The following EXO1 variants were observed in gnomAD, a reference collection of about 807,000 sequenced individuals.
The protein encoded by EXO1 is exonuclease 1.
In EXO1, 69 loss-of-function variants were observed where a neutral mutation model predicts 84.5. The ratio of observed to expected loss-of-function variants is 0.82; its 90% confidence interval spans 0.67 to 1.00. EXO1 has a LOEUF of 1.00. Ranked by LOEUF, EXO1 falls within the 50% of genes least tolerant of loss-of-function variation. The probability of loss-of-function intolerance (pLI) is 0.00; values close to 1 mark genes in which losing one functional copy is unlikely to be tolerated. For missense variants in EXO1, 1,045 were observed against 1,000.7 expected, an observed-to-expected ratio of 1.04 and a Z score of -0.60; for synonymous variants, 373 against 366.1, an observed-to-expected ratio of 1.02 and a Z score of -0.21.
chr1:241,864,717 A>G (rs150820309), intron 10 of EXO1, among the ~76,000 whole-genome samples: 1 of 152,190 alleles, frequency 6.6e-6, no homozygotes, highest in African/African-American at 2.4e-5. Context: ...TCTATGTTCT[A>G]TCTTCACCGT....
At chr1:241,882,551 A>G (rs1631401) in intron 14 of EXO1, among the ~76,000 whole-genome samples, 22,713 of 152,146 alleles carry the variant, frequency 0.15, 1,819 homozygotes, top group Non-Finnish European at 0.17. Flanking sequence ...AGTAAAGCAT[A>G]TTTTATATAT....
At position 241,850,476 on chromosome 1, in the gene EXO1, C is replaced by T; in HGVS notation, c.51C>T (p.Ile17=). ...LQFIKEASEP[I]HVRKYKGQVV... ...TTATCAAAGAAGCTTCAGAACCCAT[C>T]CATGTGAGGAAGTATAAAGGGCAGG... Residue 17 remains isoleucine, a synonymous_variant, in exon 4 of 16, where the codon ATC becomes ATT. Coordinates refer to ENST00000366548, the MANE Select transcript of EXO1 (RefSeq NM_130398.4). 6.2e-7 allele frequency: 1 copy of T among 1,613,842 alleles called. No individual in the cohort carries two copies. The highest frequency in any genetic ancestry group is 8.5e-7 in the Non-Finnish European group (1 of 1,179,750).
intron 12 of EXO1, among the ~76,000 whole-genome samples, chr1:241,874,909 A>G (rs1414351366): frequency 6.6e-6 from 1 of 152,238 alleles, no homozygotes; most frequent in Non-Finnish European, 1.5e-5. Context: ...TCTAGGCATG[A>G]TAGAGTAACA....
chr1:241,872,549 T>G (rs374352346), intron 12 of EXO1, among the ~76,000 whole-genome samples: 1 of 152,084 alleles, frequency 6.6e-6, no homozygotes, highest in Non-Finnish European at 1.5e-5. Context: ...GTTCCCCTCC[T>G]TGTGTCCATG....
chr1:241,858,711 TAG>T lies in EXO1; in HGVS notation c.750_751del (p.Val251LysfsTer38). 6.2e-7 allele frequency: 1 copy of T among 1,605,484 alleles called. No homozygotes were observed. The highest frequency in any genetic ancestry group is 8.5e-7 in the Non-Finnish European group (1 of 1,172,142). On this transcript the variant is annotated frameshift_variant, in exon 8 of 16. Coordinates refer to ENST00000366548, the MANE Select transcript of EXO1 (RefSeq NM_130398.4). LOFTEE classifies it high-confidence loss of function. Reference sequence around the variant, plus strand: ...CTAAGACTAGCCAATAATCCAGATATAGTAAAGGTAAGAGTGATTTGCTAAGT... The same window carrying T: ...CTAAGACTAGCCAATAATCCAGATATTAAAGGTAAGAGTGATTTGCTAAGT...
intron 6 of EXO1, among the ~76,000 whole-genome samples, chr1:241,854,206 G>C (rs1396275416): frequency 6.6e-6 from 1 of 152,100 alleles, no homozygotes; most frequent in African/African-American, 2.4e-5. Flanking sequence ...GGCACGATGT[G>C]GGCTCACTGC....
rs781754281 is a variant in EXO1 at position 241,879,225 on chromosome 1, C to G, written c.1991C>G (p.Ser664Cys). 1 of 1,601,434 alleles carries G rather than the reference C, an allele frequency of 6.2e-7. No individual in the cohort carries two copies. The highest frequency in any genetic ancestry group is 8.5e-7 in the Non-Finnish European group (1 of 1,173,116). ...LKSEESSDDE[S>C]HPLREEACSS... ...AGCGAGGAGTCCAGTGACGATGAGT[C>G]TCATCCCTTACGAGAAGAGGCATGT... The change falls in exon 13 of 16, where the codon TCT becomes TGT. Residue 664 changes from serine (S) to cysteine (C), a missense_variant. Transcript: ENST00000366548.
At chr1:241,888,890 C>T (rs1663212157) in intron 15 of EXO1, among the ~76,000 whole-genome samples, 1 of 152,054 alleles carries the variant, frequency 6.6e-6, no homozygotes, top group Non-Finnish European at 1.5e-5. Context: ...GCCTGGCCAG[C>T]ATGGTGAAAC....
chr1:241,853,171 A>G (rs965215331), intron 5 of EXO1, among the ~76,000 whole-genome samples, 187 bp from the exon 6 acceptor site: 1 of 151,966 alleles, frequency 6.6e-6, no homozygotes, highest in Admixed American at 6.6e-5. Flanking sequence ...ATTCTAAGTC[A>G]CTTGTTCTTT....
intron 15 of EXO1, among the ~76,000 whole-genome samples, chr1:241,888,276 A>C (rs1423023303): frequency 6.6e-6 from 1 of 152,164 alleles, no homozygotes; most frequent in African/African-American, 2.4e-5. Context: ...AGTATACCAA[A>C]GGGTTGAGAT....
chr1:241,885,075 C>T (rs1012900884), intron 14 of EXO1, among the ~76,000 whole-genome samples: 8 of 151,758 alleles, frequency 5.3e-5, no homozygotes, highest in Non-Finnish European at 4.4e-5. Context: ...GGCGTGGTGG[C>T]GGGTGCCTGT....
At chr1:241,866,120 A>G (rs965832176) in intron 10 of EXO1, among the ~76,000 whole-genome samples, 1 of 152,152 alleles carries the variant, frequency 6.6e-6, no homozygotes, top group Non-Finnish European at 1.5e-5. Context: ...AATAACTTAT[A>G]TTAGCATTAA....
intron 15 of EXO1, among the ~76,000 whole-genome samples, chr1:241,888,957 TC>T (rs1663219896): frequency 6.6e-6 from 1 of 152,000 alleles, no homozygotes; most frequent in Non-Finnish European, 1.5e-5. Flanking sequence ...CGCCTGTAGT[TC>T]CAGCTACTCG....
chr1:241,853,557 CA>C, intron 6 of EXO1, 76 bp downstream of exon 6: 1 of 1,546,548 alleles, frequency 6.5e-7, no homozygotes, highest in South Asian at 1.1e-5. Context: ...GGAAGAAAAT[CA>C]AGGGTGGAAA....
In EXO1 at chr1:241,879,003, G is replaced by A. The variant is rs1013046687; in HGVS notation, c.1769G>A (p.Ser590Asn). The A allele has an allele frequency of 1.5e-5, 24 of 1,614,160 alleles. No homozygotes were observed. Among genetic ancestry groups the A allele is most frequent in the Non-Finnish European group, 2.0e-5 (24 of 1,180,016 alleles). ...FTDEESYSFE[S>N]SKFTRTISPP... The stretch of plus-strand genomic sequence containing the variant: ...GATGAAGAGTCCTACTCTTTTGAGA[G>A]CAGCAAATTTACAAGGACCATTTCA... Residue 590 changes from serine (S) to asparagine (N), a missense_variant, in exon 13 of 16, where the codon AGC (serine) becomes AAC (asparagine). Ser to Asn is a conservative substitution (Grantham distance 46). Coordinates refer to ENST00000366548, the MANE Select transcript of EXO1 (RefSeq NM_130398.4).
chr1:241,855,569 G>C (rs1057223432), intron 6 of EXO1, among the ~76,000 whole-genome samples: 10 of 152,330 alleles, frequency 6.6e-5, no homozygotes, highest in African/African-American at 2.4e-4. Flanking sequence ...TCAGTCCTGC[G>C]CCGTCTGCCC....
intron 12 of EXO1, among the ~76,000 whole-genome samples, chr1:241,877,784 T>C (rs1279093712): frequency 6.7e-6 from 1 of 150,314 alleles, no homozygotes; most frequent in African/African-American, 2.4e-5. Flanking sequence ...AATTTATGAT[T>C]GATTTGAAAG....
At chr1:241,857,266 T>G in intron 6 of EXO1, 79 bp from the exon 7 acceptor site, 1 of 1,401,848 alleles carries the variant, frequency 7.1e-7, no homozygotes, top group Admixed American at 1.7e-5. Context: ...AGGCTAGTAA[T>G]AAAGTGGGTT....
chr1:241,853,902 T>G (rs1392755759), intron 6 of EXO1, among the ~76,000 whole-genome samples: 1 of 152,076 alleles, frequency 6.6e-6, no homozygotes, highest in African/African-American at 2.4e-5. Context: ...GAGGCATCGG[T>G]CTCACCCAAC....
Sources: allele counts gnomAD v4.1 joint callset (sites outside exome capture counted in the v4.1 genomes callset), GRCh38; gene constraint gnomAD v4.1.1; transcripts MANE v1.5; gene names NCBI Gene and HGNC (gene_info 2026-07-23, HGNC 2026-07-21).